MDN1: variants seen among roughly 807,000 people sequenced by gnomAD.
The protein encoded by MDN1 is midasin.
In MDN1, 266 loss-of-function variants were observed where a neutral mutation model predicts 669.2. That is an observed-to-expected ratio of 0.40 (90% CI 0.36 to 0.44). MDN1 has a LOEUF of 0.44. MDN1 is among the 20% of genes least tolerant of loss of function. MDN1 has a pLI of 1.00. For missense variants in MDN1, 5,940 were observed against 6,754.0 expected (o/e 0.88, Z 4.22); for synonymous variants, 2,385 against 2,457.1 (o/e 0.97, Z 0.87).
At chr6:89,645,911 C>T (rs549805582) in intron 100 of MDN1, among the ~76,000 whole-genome samples, 7 of 152,210 alleles carry the variant, frequency 4.6e-5, no homozygotes, top group African/African-American at 1.7e-4. Flanking sequence ...TTTCAAGCCC[C>T]CAAAGTAAAT....
intron 57 of MDN1, 106 bp downstream of exon 57, chr6:89,699,957 C>T (rs532602200): frequency 1.1e-5 from 13 of 1,193,562 alleles, no homozygotes; most frequent in Admixed American, 2.6e-5. Context: ...CCCTCTGCTT[C>T]GGTAACCATC....
Position 89,762,437 on chromosome 6 carries a change from A to T in MDN1, c.2238T>A (p.Phe746Leu), listed in dbSNP as rs758633573. The T allele has an allele frequency of 1.2e-6, 2 of 1,614,138 alleles. No homozygotes were observed. Among genetic ancestry groups the T allele is most frequent in the Admixed American group, 1.7e-5 (1 of 60,022 alleles). The change falls in exon 16 of 102, where the codon TTT (phenylalanine) becomes TTA (leucine). Residue 746 changes from phenylalanine to leucine, a missense_variant. Phe to Leu is a conservative substitution (Grantham distance 22, BLOSUM62 0). Coordinates refer to ENST00000369393, the MANE Select transcript of MDN1 (RefSeq NM_014611.3). ...FAQTFSKKQN[F>L]TFLGHIQTCY... ...AGGTCTGAATGTGCCCCAAGAACGT[A>T]AAGTTTTGTTTCTTGGAAAATGTCT...
intron 2 of MDN1, among the ~76,000 whole-genome samples, chr6:89,795,367 A>G (rs2128327448): frequency 6.6e-6 from 1 of 152,246 alleles, no homozygotes; most frequent in Middle Eastern, 3.4e-3. Flanking sequence ...GAGAATCAAG[A>G]AGAGATGCTT....
At chr6:89,788,424 T>A (rs915298228) in intron 7 of MDN1, among the ~76,000 whole-genome samples, 1 of 152,104 alleles carries the variant, frequency 6.6e-6, no homozygotes, top group Non-Finnish European at 1.5e-5. Flanking sequence ...ATTAACCAGG[T>A]TTGGTGAAAC....
Position 89,701,575 on chromosome 6 carries a change from G to A in MDN1, c.8410C>T (p.Arg2804Ter), listed in dbSNP as rs149778124. The change falls in exon 55 of 102, where the codon CGA becomes TGA. Residue 2804 changes from arginine to a stop codon, truncating the protein, a stop_gained. Coordinates refer to ENST00000369393, the MANE Select transcript of MDN1 (RefSeq NM_014611.3). LOFTEE classifies it high-confidence loss of function. ...AGGTGTACCTTAAAAGGAAACGGTC[G>A]TCCCAGGAACTTCTGCAACTTCTTT... ...GIKKLQKFLG[R>*]PFPFKDKLVV... The A allele has an allele frequency of 5.0e-6, 8 of 1,614,020 alleles. No individual in the cohort carries two copies. The highest frequency in any genetic ancestry group is 1.6e-4 in the Middle Eastern group (1 of 6,062).
chr6:89,768,604 G>A (rs1817919782), intron 15 of MDN1, among the ~76,000 whole-genome samples: 1 of 151,994 alleles, frequency 6.6e-6, no homozygotes, highest in Non-Finnish European at 1.5e-5. Context: ...AAGCGTGGTG[G>A]TGCACGTCTG....
chr6:89,712,463 C>A (rs985934421), intron 48 of MDN1, 112 bp downstream of exon 48: 1 of 1,127,330 alleles, frequency 8.9e-7, no homozygotes, highest in Non-Finnish European at 1.3e-6. Flanking sequence ...ATGACAGCTA[C>A]ACAATAAATG....
chr6:89,815,171 A>G (rs1768734020), intron 1 of MDN1: 7 of 379,872 alleles, frequency 1.8e-5, no homozygotes, highest in South Asian at 1.5e-4. Context: ...CTACCTGGAC[A>G]GGCTCACGTG....
intron 10 of MDN1, among the ~76,000 whole-genome samples, chr6:89,780,879 G>T (rs1212452329): frequency 2.0e-5 from 3 of 151,038 alleles, no homozygotes; most frequent in African/African-American, 7.3e-5. Flanking sequence ...TCGAACTCCT[G>T]ATCTCATGAT....
chr6:89,693,239 A>G (rs1427090433), intron 62 of MDN1, 91 bp from the exon 63 acceptor site: 1 of 827,976 alleles, frequency 1.2e-6, no homozygotes, highest in Non-Finnish European at 1.9e-6. Context: ...CGAAGGAAGA[A>G]ACATCAGCTG....
Position 89,643,860 on chromosome 6 carries a change from A to G in MDN1, c.*145T>C. Reference sequence around the variant, plus strand: ...CAGCCCAGGCAAAGCCGGGAGCCAGAGAGCATTCTGTAGGCTGTAAGATCA... The same window carrying G: ...CAGCCCAGGCAAAGCCGGGAGCCAGGGAGCATTCTGTAGGCTGTAAGATCA... On this transcript the variant is annotated 3_prime_UTR_variant, in exon 102 of 102. Coordinates refer to ENST00000369393, the MANE Select transcript of MDN1 (RefSeq NM_014611.3). 1 of 719,722 alleles carries G rather than the reference A, an allele frequency of 1.4e-6. No homozygotes were observed. Among genetic ancestry groups the G allele is most frequent in the Non-Finnish European group, 2.1e-6 (1 of 474,926 alleles). The allele number at this position is 719,722 out of a possible 1,614,324, so 44.6% of individuals were successfully genotyped here.
chr6:89,772,323 T>C (rs996499232), intron 14 of MDN1, among the ~76,000 whole-genome samples: 1 of 152,150 alleles, frequency 6.6e-6, no homozygotes, highest in Non-Finnish European at 1.5e-5. Flanking sequence ...ATGCAATATG[T>C]AGAACATAAT....
rs188811475 is a variant in MDN1 at position 89,652,312 on chromosome 6, G to A, written c.15826-31C>T. ...AAGAAAAAGCCATAGATAAGAGGTG[G>A]CCCAGGTTGGAATCACCAACTTAGT... On this transcript the variant is annotated intron_variant, in intron 94 of 101. Coordinates refer to ENST00000369393, the MANE Select transcript of MDN1 (RefSeq NM_014611.3). 5.2e-4 allele frequency: 819 copies of A among 1,587,848 alleles called. 2 individuals are homozygous for A. In the African/African-American group the frequency reaches 9.3e-3, roughly 18 times the overall value.
intron 62 of MDN1, 104 bp downstream of exon 62, chr6:89,693,970 G>A (rs1270175131): frequency 1.2e-6 from 1 of 865,104 alleles, no homozygotes; most frequent in East Asian, 2.5e-5. Context: ...AATTGCTAAT[G>A]TAGTTTAGAG....
chr6:89,751,529 A>G lies in MDN1; in HGVS notation c.3129T>C (p.Ile1043=), dbSNP rs1816953398. ...GRLIQVEGYW[I]AVGDKEPTID... ...TTGTAGGCTCCTTGTCTCCCACCGC[A>G]ATCCAGTAGCCTTCAACCTGGATAA... The change falls in exon 23 of 102, where the codon ATT becomes ATC. Residue 1043 remains isoleucine, a synonymous_variant. Transcript: ENST00000369393. 2 of 1,614,022 alleles carry G rather than the reference A, an allele frequency of 1.2e-6. No homozygotes were observed. Among genetic ancestry groups the G allele is most frequent in the South Asian group, 2.2e-5 (2 of 91,086 alleles).
chr6:89,716,521 G>A lies in MDN1; in HGVS notation c.6743+129C>T, dbSNP rs1186826303. ...CCACAGGGAGAAGTCTACAGAATATGGCTGAGGACGCTTGCGTAATTAAGA... is the reference window on the plus strand; with the variant it reads ...CCACAGGGAGAAGTCTACAGAATATAGCTGAGGACGCTTGCGTAATTAAGA... On this transcript the variant is annotated intron_variant, in intron 44 of 101. Transcript: ENST00000369393. 3 of 951,096 alleles carry A rather than the reference G, an allele frequency of 3.2e-6. No individual in the cohort carries two copies. The African/African-American group carries it at 5.1e-5, about 16-fold the overall frequency. The allele number at this position is 951,096 out of a possible 1,614,324, so 58.9% of individuals were successfully genotyped here. A position where few individuals can be genotyped will look rare whatever the true frequency, so the allele number is the denominator to read the frequency against.
At chr6:89,679,830 T>C (rs1158878140) in intron 74 of MDN1, among the ~76,000 whole-genome samples, 1 of 152,192 alleles carries the variant, frequency 6.6e-6, no homozygotes, top group African/African-American at 2.4e-5. Context: ...GTGGGAGAGT[T>C]AGAGGATGAG....
chr6:89,770,147 TG>T (rs1360766134), intron 15 of MDN1, among the ~76,000 whole-genome samples: 1 of 151,862 alleles, frequency 6.6e-6, no homozygotes, highest in Non-Finnish European at 1.5e-5. Flanking sequence ...GGCTCACACC[TG>T]TAATCCCAGC....
At chr6:89,745,233 T>C (rs1816542964) in intron 29 of MDN1, 40 bp downstream of exon 29, 3 of 1,606,598 alleles carry the variant, frequency 1.9e-6, no homozygotes, top group South Asian at 1.1e-5. Flanking sequence ...TCCTATGGAA[T>C]TGAAATGAAC....
Sources: gnomAD v4.1 joint callset for allele counts (sites outside exome capture counted in the v4.1 genomes callset) on GRCh38, gnomAD v4.1.1 for gene constraint, MANE v1.5 for transcripts, NCBI Gene and HGNC (gene_info 2026-07-23, HGNC 2026-07-21) for gene names.